IGF2R: variants seen among roughly 807,000 people sequenced by gnomAD.
IGF2R encodes cation-independent mannose-6-phosphate receptor.
In IGF2R, 91 loss-of-function variants were observed where a neutral mutation model predicts 270.6. The ratio of observed to expected loss-of-function variants is 0.34; its 90% CI spans 0.28 to 0.40. The LOEUF is 0.40. Ranked by LOEUF, IGF2R falls within the 10% of genes least tolerant of loss-of-function variation. IGF2R has a pLI of 1.00. For synonymous variants in IGF2R, 1,316 were observed against 1,258.9 expected (o/e 1.05, Z -0.96); for missense variants, 2,805 against 3,188.3 (o/e 0.88, Z 2.90).
intron 26 of IGF2R, among the ~76,000 whole-genome samples, chr6:160,063,148 C>T (rs548530845): frequency 8.8e-4 from 134 of 151,744 alleles, no homozygotes; most frequent in African/African-American, 3.2e-3. Context: ...AGTGATTCTC[C>T]TGCCTCAGCC....
Position 160,103,647 on chromosome 6 carries a change from C to T in IGF2R, c.6996-99C>T, listed in dbSNP as rs1230948559. ...GTGGGAGAAATGCAGCCACCACCAG[C>T]CCCCTGGTGGTGCAGATGGGGGTGG... On this transcript the variant is annotated intron_variant, in intron 46 of 47. Coordinates refer to ENST00000356956, the MANE Select transcript of IGF2R (RefSeq NM_000876.4). 4 of 788,870 alleles carry T rather than the reference C, an allele frequency of 5.1e-6. No homozygotes were observed. In the East Asian group the frequency reaches 9.9e-5, roughly 19 times the overall value. The allele number at this position is 788,870 out of a possible 1,614,324, so 48.9% of individuals were successfully genotyped here. A position where few individuals can be genotyped will look rare whatever the true frequency, so the allele number is the denominator to read the frequency against.
At chr6:160,019,938 A>G (rs929514490) in intron 4 of IGF2R, among the ~76,000 whole-genome samples, 1 of 152,198 alleles carries the variant, frequency 6.6e-6, no homozygotes, top group African/African-American at 2.4e-5. Flanking sequence ...CCTATTCAAC[A>G]TAGTACTGGA....
At chr6:159,969,888 G>A (rs1323633057) in intron 1 of IGF2R, among the ~76,000 whole-genome samples, 1 of 152,098 alleles carries the variant, frequency 6.6e-6, no homozygotes, top group Non-Finnish European at 1.5e-5. Flanking sequence ...GAGTGTTTGT[G>A]GTTTCATTTG....
intron 38 of IGF2R, 109 bp from the exon 39 acceptor site, chr6:160,080,020 G>A (rs970982031): frequency 9.7e-5 from 130 of 1,334,090 alleles, no homozygotes; most frequent in East Asian, 4.9e-4. Context: ...CGGTTGTCAC[G>A]TAGGTGCTTT....
intron 3 of IGF2R, 92 bp from the exon 4 acceptor site, chr6:160,010,595 A>G (rs1294079329): frequency 2.6e-5 from 21 of 807,420 alleles, no homozygotes; most frequent in Admixed American, 6.8e-5. Flanking sequence ...TGCTTTCTTT[A>G]TTTTAGTAGC....
At chr6:160,019,430 C>A (rs904899326) in intron 4 of IGF2R, among the ~76,000 whole-genome samples, 2 of 152,050 alleles carry the variant, frequency 1.3e-5, no homozygotes. Context: ...AAACTGTTAC[C>A]AAAAATCAGA....
rs186491261 is a variant in IGF2R at position 160,048,505 on chromosome 6, T to C, written c.2476T>C (p.Tyr826His). ...PLNPVPGCNR[Y>H]ASACQMKYEK... ...GAATCCAGTGCCGGGCTGCAACCGA[T>C]ATGCATCGGCTTGCCAGATGAAGTA... Residue 826 changes from tyrosine (Y) to histidine (H), a missense_variant, in exon 18 of 48, where the codon TAT becomes CAT. By Grantham distance (83) the Tyr-to-His change is moderately conservative. Transcript: ENST00000356956. The C allele has an allele frequency of 2.5e-6, 4 of 1,614,144 alleles. No individual in the cohort carries two copies. The highest frequency in any genetic ancestry group is 3.3e-5 in the Admixed American group (2 of 60,012).
At chr6:159,975,701 T>TATATATATAA (rs1554234055) in intron 1 of IGF2R, among the ~76,000 whole-genome samples, 7 of 146,644 alleles carry the variant, frequency 4.8e-5, no homozygotes, top group South Asian at 2.1e-4. Context: ...TATATATATA[T>TATATATATAA]AAAGTATATG....
intron 45 of IGF2R, among the ~76,000 whole-genome samples, chr6:160,100,721 T>A: frequency 5.3e-5 from 1 of 18,772 alleles, no homozygotes; most frequent in African/African-American, 1.6e-4. Context: ...GTCAGCAATT[T>A]CCCTTTTTTT....
rs775918067 is a variant in IGF2R at position 160,044,576 on chromosome 6, A to G, written c.1684A>G (p.Ile562Val). The change falls in exon 13 of 48, where the codon ATT becomes GTT. Residue 562 changes from isoleucine (I) to valine (V), a missense_variant. Coordinates refer to ENST00000356956, the MANE Select transcript of IGF2R (RefSeq NM_000876.4). ...CTCTCCCATGAAAGAGAAAGGAAAC[A>G]TTCAACTCTCTTATTCAGATGGTGA... is the stretch of plus-strand genomic sequence containing the variant. ...ISSPMKEKGNIQLSYSDGDDC... is the reference protein window; with the variant it reads ...ISSPMKEKGNVQLSYSDGDDC... 2.5e-6 allele frequency: 4 copies of G among 1,608,502 alleles called. No homozygotes were observed. The Admixed American group carries it at 5.0e-5, about 20-fold the overall frequency.
At chr6:160,067,808 T>G (rs1458147508) in intron 29 of IGF2R, among the ~76,000 whole-genome samples, 1 of 152,222 alleles carries the variant, frequency 6.6e-6, no homozygotes, top group African/African-American at 2.4e-5. Context: ...TTTCAGTAAC[T>G]GCTGGCGGCC....
At chr6:160,099,895 A>G (rs146989101) in intron 45 of IGF2R, among the ~76,000 whole-genome samples, 8 of 152,344 alleles carry the variant, frequency 5.3e-5, no homozygotes, top group African/African-American at 1.9e-4. Context: ...TTCTTGAAAG[A>G]AATGAAGGAA....
At chr6:160,058,348 A>G (rs1285372361) in intron 21 of IGF2R, among the ~76,000 whole-genome samples, 6 of 152,232 alleles carry the variant, frequency 3.9e-5, no homozygotes, top group Non-Finnish European at 7.3e-5. Flanking sequence ...TCTTCAAATA[A>G]TAAGTTGTTC....
intron 11 of IGF2R, among the ~76,000 whole-genome samples, chr6:160,041,605 A>T (rs80218577): frequency 1.3e-5 from 2 of 152,092 alleles, no homozygotes; most frequent in Non-Finnish European, 2.9e-5. Context: ...TTTTTTAAAG[A>T]AAAATAAAAC....
intron 29 of IGF2R, among the ~76,000 whole-genome samples, chr6:160,065,253 A>G (rs143889989): frequency 9.7e-4 from 147 of 152,296 alleles, no homozygotes; most frequent in African/African-American, 3.3e-3. Flanking sequence ...GCTGCTCTCA[A>G]CAGCTTTGCC....
intron 16 of IGF2R, 100 bp downstream of exon 16, chr6:160,047,436 A>G: frequency 1.9e-6 from 2 of 1,029,570 alleles, no homozygotes; most frequent in Non-Finnish European, 2.8e-6. Flanking sequence ...TTTCCAGCCA[A>G]ATCATCACCG....
At chr6:160,083,848 T>C in intron 39 of IGF2R, 102 bp from the exon 40 acceptor site, 2 of 835,050 alleles carry the variant, frequency 2.4e-6, no homozygotes, top group South Asian at 3.0e-5. Context: ...AAGCAATTGT[T>C]TAAAGTACAG....
chr6:160,075,908 A>G lies in IGF2R; in HGVS notation c.5228A>G (p.Asn1743Ser). ...LNPIANEIYL[N>S]FESSTPCLAD... ...CCAATAGCAAATGAGATTTACTTGA[A>G]TTTTGAAAGCAGTACTCCTTGCTTA... The change falls in exon 36 of 48, where the codon AAT becomes AGT. Residue 1743 changes from asparagine to serine, a missense_variant. Asn to Ser is a conservative substitution (Grantham distance 46, BLOSUM62 1). This residue lies in a region of IGF2R where 1,851 missense variants were observed against 2,207.2 expected (regional missense o/e 0.84). Coordinates refer to ENST00000356956, the MANE Select transcript of IGF2R (RefSeq NM_000876.4). 1 of 1,614,208 alleles carries G rather than the reference A, an allele frequency of 6.2e-7. No individual in the cohort carries two copies.
Position 159,969,209 on chromosome 6 carries a change from T to C in IGF2R, c.-38T>C, listed in dbSNP as rs8191692. On this transcript the variant is annotated 5_prime_UTR_variant, in exon 1 of 48. Transcript: ENST00000356956. Reference sequence around the variant, plus strand: ...CGCGGCCCCCAGCAGTCGCGCGCCGTTAGCCTCGCGCCCGCCGCGCAGTCC... The same window carrying C: ...CGCGGCCCCCAGCAGTCGCGCGCCGCTAGCCTCGCGCCCGCCGCGCAGTCC... The C allele has an allele frequency of 0.23, 225,661 of 980,714 alleles. 29,019 individuals are homozygous for C. The highest frequency in any genetic ancestry group is 0.66 in the East Asian group (5,710 of 8,682). The allele number at this position is 980,714 out of a possible 1,614,324, so 60.8% of individuals were successfully genotyped here.
Sources: gnomAD v4.1 joint callset for allele counts (sites outside exome capture counted in the v4.1 genomes callset) on GRCh38, gnomAD v4.1.1 for gene constraint, gnomAD v4.1.1 regional missense constraint, MANE v1.5 for transcripts, NCBI Gene and HGNC (gene_info 2026-07-23, HGNC 2026-07-21) for gene names.